Variants in GRID2 observed in about 807,000 individuals in gnomAD.
GRID2 encodes glutamate receptor ionotropic, delta-2.
In GRID2, 33 loss-of-function variants were observed where a neutral mutation model predicts 114.8. The ratio of observed to expected loss-of-function variants is 0.29; its 90% CI spans 0.22 to 0.38. The LOEUF is 0.38. Among genes scored for constraint, GRID2 ranks in the 10% least tolerant of loss-of-function variants. GRID2 has a pLI of 1.00. For missense variants in GRID2, 1,184 were observed against 1,257.7 expected (o/e 0.94, Z 0.89); for synonymous variants, 505 against 449.9 (o/e 1.12, Z -1.55).
intron 2 of GRID2, among the ~76,000 whole-genome samples, chr4:92,830,258 G>A (rs1426742046): frequency 1.3e-5 from 2 of 151,048 alleles, no homozygotes; most frequent in Non-Finnish European, 2.9e-5. Context: ...ATTTCTCCAA[G>A]ATCATGCAGT....
chr4:92,385,383 A>G (rs1354536684), intron 1 of GRID2, among the ~76,000 whole-genome samples: 1 of 151,870 alleles, frequency 6.6e-6, no homozygotes, highest in African/African-American at 2.4e-5. Context: ...ATTTTGCATT[A>G]GATATTTTAA....
chr4:93,422,930 G>A lies in GRID2; in HGVS notation c.1507G>A (p.Gly503Arg). Residue 503 changes from glycine (G) to arginine (R), a missense_variant, in exon 10 of 16, where the codon GGG becomes AGG. Transcript: ENST00000282020. ...CAAATACGGAAGCCCACAAGAAGAT[G>A]GGACATGGAATGGCTTGGTAGGAGA... ...DHKYGSPQED[G>R]TWNGLVGELV... is the part of the protein sequence containing the mutation. The A allele has an allele frequency of 6.2e-7, 1 of 1,613,556 alleles. No individual in the cohort carries two copies. The highest frequency in any genetic ancestry group is 1.1e-5 in the South Asian group (1 of 91,036).
intron 1 of GRID2, among the ~76,000 whole-genome samples, chr4:92,530,485 C>T (rs919479714): frequency 1.9e-5 from 2 of 103,370 alleles, no homozygotes; most frequent in South Asian, 3.2e-4. Context: ...ACCACTACCA[C>T]AAAAAAGTGA....
chr4:92,314,091 G>T (rs1725842784), intron 1 of GRID2, among the ~76,000 whole-genome samples: 2 of 150,370 alleles, frequency 1.3e-5, no homozygotes, highest in African/African-American at 4.9e-5. Flanking sequence ...AAGGAAATCT[G>T]TTTTTTTTTC....
At chr4:92,555,194 A>T (rs561469857) in intron 1 of GRID2, among the ~76,000 whole-genome samples, 1 of 152,268 alleles carries the variant, frequency 6.6e-6, no homozygotes, top group Non-Finnish European at 1.5e-5. Flanking sequence ...TATGGAAGGC[A>T]GTTTCCCTCA....
At chr4:93,418,458 G>A (rs956092389) in intron 9 of GRID2, among the ~76,000 whole-genome samples, 1 of 151,846 alleles carries the variant, frequency 6.6e-6, no homozygotes, top group Non-Finnish European at 1.5e-5. Flanking sequence ...ACACTCCTTT[G>A]TAGTTTCCAG....
chr4:92,972,566 T>C (rs1753590763), intron 2 of GRID2, among the ~76,000 whole-genome samples: 1 of 152,120 alleles, frequency 6.6e-6, no homozygotes, highest in Admixed American at 6.6e-5. Context: ...AAAGATCTTA[T>C]TTATCTCAGT....
chr4:92,453,049 G>A (rs1721024101), intron 1 of GRID2, among the ~76,000 whole-genome samples: 1 of 151,054 alleles, frequency 6.6e-6, no homozygotes, highest in Admixed American at 6.6e-5. Context: ...CATTTGTGTG[G>A]GTGTGTGTGT....
At chr4:93,554,419 T>C (rs773893263) in intron 13 of GRID2, among the ~76,000 whole-genome samples, 2 of 148,358 alleles carry the variant, frequency 1.3e-5, no homozygotes, top group Non-Finnish European at 3.0e-5. Context: ...TATCTCTTTT[T>C]TCTGCACATA....
intron 2 of GRID2, among the ~76,000 whole-genome samples, chr4:92,597,408 T>A (rs1729006349): frequency 6.6e-6 from 1 of 152,148 alleles, no homozygotes; most frequent in African/African-American, 2.4e-5. Flanking sequence ...GAAATTCAGA[T>A]GTTTACAGAC....
At chr4:92,881,121 T>C (rs992041773) in intron 2 of GRID2, among the ~76,000 whole-genome samples, 1 of 152,272 alleles carries the variant, frequency 6.6e-6, no homozygotes, top group South Asian at 2.1e-4. Flanking sequence ...CAGGCTGGAA[T>C]CCAAAGCCTG....
intron 14 of GRID2, among the ~76,000 whole-genome samples, chr4:93,701,328 C>T (rs1727490640): frequency 6.6e-6 from 1 of 152,038 alleles, no homozygotes; most frequent in Non-Finnish European, 1.5e-5. Context: ...AATCTGACTT[C>T]CTTGAAAACT....
At chr4:92,893,010 A>G (rs1167901725) in intron 2 of GRID2, among the ~76,000 whole-genome samples, 2 of 152,218 alleles carry the variant, frequency 1.3e-5, no homozygotes, top group Non-Finnish European at 2.9e-5. Context: ...TAGCCTGAAA[A>G]GACAATATTA....
chr4:93,225,809 G>A (rs13139086), intron 7 of GRID2, among the ~76,000 whole-genome samples: 68,345 of 151,932 alleles, frequency 0.45, 16,753 homozygotes, highest in Middle Eastern at 0.66. Flanking sequence ...CACAAATTGG[G>A]AAATATATAA....
In GRID2 at chr4:92,351,318, C is replaced by G. The variant is rs1451207168; in HGVS notation, c.88+46574C>G. On this transcript the variant is annotated intron_variant, in intron 1 of 15. Coordinates refer to ENST00000282020, the MANE Select transcript of GRID2 (RefSeq NM_001510.4). ...GCAATGTATGAATGCTTCAATTTCTCCAGATTCTCAAAAAAACTTGATATT... is the reference window on the plus strand; with the variant it reads ...GCAATGTATGAATGCTTCAATTTCTGCAGATTCTCAAAAAAACTTGATATT... Among the ~76,000 whole-genome samples the G allele has an allele frequency of 4.0e-5, 6 of 151,752 alleles. No homozygotes were observed. In the South Asian group the frequency reaches 1.0e-3, roughly 26 times the overall value.
intron 4 of GRID2, among the ~76,000 whole-genome samples, chr4:93,182,407 ATATTC>A (rs1403265121): frequency 2.0e-5 from 3 of 152,184 alleles, no homozygotes; most frequent in Admixed American, 2.0e-4. Context: ...TAGGCAAACT[ATATTC>A]TATTATCTTT....
At chr4:93,809,295 T>C (rs532887952) in exon 2 of GRID2, 1 of 152,318 alleles carries the variant, frequency 6.6e-6, no homozygotes, top group Admixed American at 6.5e-5. Flanking sequence ...CCAGTCGTAA[T>C]GTATTCCAGG....
At chr4:93,049,691 A>G (rs887341471) in intron 2 of GRID2, among the ~76,000 whole-genome samples, 4 of 151,966 alleles carry the variant, frequency 2.6e-5, no homozygotes, top group African/African-American at 9.7e-5. Flanking sequence ...TGTTACTTAT[A>G]AATGGTATAA....
intron 4 of GRID2, among the ~76,000 whole-genome samples, chr4:93,123,554 A>G (rs1733986357): frequency 6.6e-6 from 1 of 152,176 alleles, no homozygotes; most frequent in African/African-American, 2.4e-5. Flanking sequence ...CCATACCCCA[A>G]GGGATATAGA....
Sources: allele counts gnomAD v4.1 joint callset (sites outside exome capture counted in the v4.1 genomes callset), GRCh38; gene constraint gnomAD v4.1.1; transcripts MANE v1.5; gene names NCBI Gene and HGNC (gene_info 2026-07-23, HGNC 2026-07-21).